BTBD9: variants seen among roughly 807,000 people sequenced by gnomAD.
BTBD9 encodes the protein BTB domain containing 9, also known as BTB/POZ domain-containing protein 9.
Under a neutral mutation model 64.3 loss-of-function variants are expected in BTBD9, and 49 were observed. That is an observed-to-expected ratio of 0.76 (90% CI 0.61 to 0.97). The LOEUF is 0.97. Ranked by LOEUF, BTBD9 falls within the 50% of genes least tolerant of loss-of-function variation. The pLI is 0.00. For synonymous variants in BTBD9, 260 were observed against 274.7 expected (o/e 0.95, Z 0.53); for missense variants, 598 against 762.1 (o/e 0.78, Z 2.53).
At chr6:38,353,620 CA>C (rs1764609768) in intron 6 of BTBD9, among the ~76,000 whole-genome samples, 1 of 152,132 alleles carries the variant, frequency 6.6e-6, no homozygotes, top group South Asian at 2.1e-4. Flanking sequence ...ACTAATTTAC[CA>C]AAAGTTCAAC....
chr6:38,513,108 T>A lies in BTBD9; in HGVS notation c.1154+64492A>T, dbSNP rs541095342. ...TTAGTGTCCAGGCAATCCTAAGGTT[T>A]ACTTGGCTTACAGAATTTTTCTTAT... On this transcript the variant is annotated intron_variant, in intron 6 of 10. Coordinates refer to ENST00000481247, the MANE Select transcript of BTBD9 (RefSeq NM_001099272.2). Among the ~76,000 whole-genome samples the A allele has an allele frequency of 4.6e-5, 7 of 152,314 alleles. No homozygotes were observed. The South Asian group carries it at 1.4e-3, about 32-fold the overall frequency.
intron 8 of BTBD9, among the ~76,000 whole-genome samples, chr6:38,272,106 A>G (rs1765217483): frequency 6.6e-6 from 1 of 152,174 alleles, no homozygotes; most frequent in African/African-American, 2.4e-5. Context: ...TAGGATAGTC[A>G]TTGACCACTA....
At chr6:38,588,884 T>C (rs900726273) in intron 4 of BTBD9, among the ~76,000 whole-genome samples, 2 of 152,208 alleles carry the variant, frequency 1.3e-5, no homozygotes, top group African/African-American at 4.8e-5. Context: ...AGTAGAGCCC[T>C]TTTAGAATAC....
chr6:38,180,134 G>A (rs10947715), intron 10 of BTBD9, among the ~76,000 whole-genome samples: 2 of 152,144 alleles, frequency 1.3e-5, no homozygotes, highest in African/African-American at 2.4e-5. Flanking sequence ...CAACATGTAC[G>A]AGGCTGGGGT....
rs150504493 is a variant in BTBD9 at position 38,408,055 on chromosome 6, C to T, written c.1155-62962G>A. Among the ~76,000 whole-genome samples the T allele has an allele frequency of 3.1e-3, 475 of 152,256 alleles. 5 individuals are homozygous for T. The highest frequency in any genetic ancestry group is 0.011 in the African/African-American group (452 of 41,528). Reference sequence around the variant, plus strand: ...TTTACTTACTAACACTTGAAGGACACGATTTAAAATCATGGCACTGGCAAA... The same window carrying T: ...TTTACTTACTAACACTTGAAGGACATGATTTAAAATCATGGCACTGGCAAA... On this transcript the variant is annotated intron_variant, in intron 6 of 10. Transcript: ENST00000481247.
chr6:38,530,725 G>A (rs190654083), intron 6 of BTBD9, among the ~76,000 whole-genome samples: 11 of 151,848 alleles, frequency 7.2e-5, no homozygotes, highest in African/African-American at 1.9e-4. Flanking sequence ...GAAGCTCAAC[G>A]AAATCCAAGA....
intron 6 of BTBD9, chr6:38,482,064 C>G (rs779982704): frequency 3.3e-5 from 5 of 152,174 alleles, no homozygotes; most frequent in Non-Finnish European, 7.3e-5. Context: ...TGTTTCTTCC[C>G]AGTCCAAGAA....
intron 6 of BTBD9, among the ~76,000 whole-genome samples, chr6:38,415,149 C>A (rs1767608040): frequency 6.6e-6 from 1 of 152,120 alleles, no homozygotes; most frequent in Non-Finnish European, 1.5e-5. Context: ...AGCATAATGA[C>A]CCTCCCCAAA....
intron 6 of BTBD9, among the ~76,000 whole-genome samples, chr6:38,390,479 A>G (rs535202351): frequency 6.6e-6 from 1 of 152,258 alleles, no homozygotes. Flanking sequence ...GCAGTTATCC[A>G]ATATAAACCC....
rs1766718889 is a variant in BTBD9 at position 38,170,690 on chromosome 6, T to C, written c.*4295A>G. Reference sequence around the variant, plus strand: ...AGCAAACACCAGGCACTAGGACAACTTCTAATTTAATATTATAATAATAAA... The same window carrying C: ...AGCAAACACCAGGCACTAGGACAACCTCTAATTTAATATTATAATAATAAA... On this transcript the variant is annotated 3_prime_UTR_variant, in exon 11 of 11. Transcript: ENST00000481247. 1 of 152,226 alleles carries C rather than the reference T, an allele frequency of 6.6e-6. No individual in the cohort carries two copies. Among genetic ancestry groups the C allele is most frequent in the African/African-American group, 2.4e-5 (1 of 41,454 alleles). 9.4% of individuals were successfully genotyped at this position (152,226 alleles called of 1,614,324 possible).
chr6:38,592,327 T>G (rs1462016897), intron 4 of BTBD9, among the ~76,000 whole-genome samples: 1 of 152,182 alleles, frequency 6.6e-6, no homozygotes, highest in Non-Finnish European at 1.5e-5. Context: ...TCTGACATTC[T>G]GGGGAGGAGT....
intron 2 of BTBD9, among the ~76,000 whole-genome samples, chr6:38,597,013 T>A (rs964965059): frequency 2.0e-5 from 3 of 152,200 alleles, no homozygotes; most frequent in Non-Finnish European, 4.4e-5. Flanking sequence ...TCCTCACTTT[T>A]CTAAGCTCCC....
chr6:38,259,531 T>C (rs572635545), intron 8 of BTBD9, among the ~76,000 whole-genome samples: 81 of 152,268 alleles, frequency 5.3e-4, no homozygotes, highest in African/African-American at 1.9e-3. Context: ...GCCTCCCAAG[T>C]AGCTGGGATT....
chr6:38,362,406 G>C (rs1263751173), intron 6 of BTBD9, among the ~76,000 whole-genome samples: 1 of 152,162 alleles, frequency 6.6e-6, no homozygotes, highest in Non-Finnish European at 1.5e-5. Flanking sequence ...TACACGGAAT[G>C]CACTAAAATG....
intron 6 of BTBD9, among the ~76,000 whole-genome samples, chr6:38,478,350 G>A (rs996939140): frequency 3.9e-5 from 6 of 152,134 alleles, no homozygotes; most frequent in Admixed American, 3.9e-4. Context: ...TATATCATCT[G>A]ACACATCCAT....
intron 8 of BTBD9, among the ~76,000 whole-genome samples, chr6:38,258,471 C>T (rs554500436): frequency 6.6e-6 from 1 of 152,190 alleles, no homozygotes; most frequent in Non-Finnish European, 1.5e-5. Flanking sequence ...TACCAGCTGG[C>T]ATAGATAGTG....
At chr6:38,461,770 G>T (rs1421820701) in intron 6 of BTBD9, among the ~76,000 whole-genome samples, 1 of 152,174 alleles carries the variant, frequency 6.6e-6, no homozygotes, top group Non-Finnish European at 1.5e-5. Flanking sequence ...TACCATTTTA[G>T]ATTCCCACCA....
intron 6 of BTBD9, among the ~76,000 whole-genome samples, chr6:38,370,824 G>T (rs1200840454): frequency 2.6e-5 from 4 of 152,204 alleles, no homozygotes; most frequent in African/African-American, 9.7e-5. Flanking sequence ...ACATGTCACG[G>T]AGTCATGGGT....
intron 6 of BTBD9, among the ~76,000 whole-genome samples, chr6:38,512,136 G>C (rs1357792738): frequency 6.6e-6 from 1 of 152,106 alleles, no homozygotes; most frequent in Non-Finnish European, 1.5e-5. Flanking sequence ...ATCACGCCTG[G>C]CTAATTTTGT....
Sources: gnomAD v4.1 joint callset for allele counts (sites outside exome capture counted in the v4.1 genomes callset) on GRCh38, gnomAD v4.1.1 for gene constraint, MANE v1.5 for transcripts, NCBI Gene and HGNC (gene_info 2026-07-23, HGNC 2026-07-21) for gene names.